SEC24B: variants seen among roughly 807,000 people sequenced by gnomAD.
SEC24B encodes protein transport protein Sec24B.
In SEC24B, 45 loss-of-function variants were observed where a neutral mutation model predicts 142.8. The ratio of observed to expected loss-of-function variants is 0.32; its 90% confidence interval spans 0.25 to 0.40. SEC24B has a LOEUF of 0.40. Ranked by LOEUF, SEC24B falls within the 10% of genes least tolerant of loss-of-function variation. The pLI is 1.00. For missense variants in SEC24B, 1,409 were observed against 1,526.8 expected (o/e 0.92, Z 1.29); for synonymous variants, 574 against 568.2 (o/e 1.01, Z -0.15).
At chr4:109,516,669 A>G (rs1241236522) in intron 11 of SEC24B, 29 bp downstream of exon 11, 3 of 1,204,110 alleles carry the variant, frequency 2.5e-6, no homozygotes, top group Middle Eastern at 2.1e-4. Context: ...CATACTATAC[A>G]TATGTGTATG....
intron 3 of SEC24B, among the ~76,000 whole-genome samples, chr4:109,479,630 T>TTGACC (rs1733527383): frequency 6.6e-6 from 1 of 152,092 alleles, no homozygotes; most frequent in Non-Finnish European, 1.5e-5. Context: ...AGATGGGGTC[T>TTGACC]CACTATGTTG....
chr4:109,468,950 A>C (rs1209306172), intron 2 of SEC24B, among the ~76,000 whole-genome samples: 2 of 152,100 alleles, frequency 1.3e-5, no homozygotes, highest in Non-Finnish European at 2.9e-5. Context: ...CATATGTGTT[A>C]TGCATGAAGA....
At chr4:109,512,728 C>CA (rs1360518713) in intron 9 of SEC24B, among the ~76,000 whole-genome samples, 1 of 150,044 alleles carries the variant, frequency 6.7e-6, no homozygotes, top group African/African-American at 2.5e-5. Context: ...CAATATGGCT[C>CA]ACTGCAATCT....
rs186005931 is a variant in SEC24B, at chr4:109,435,023, C to A, written c.133+1021C>A. 2.2e-3 allele frequency among the ~76,000 whole-genome samples: 333 copies of A among 152,314 alleles called. 2 individuals carry two copies. In the Middle Eastern group the frequency reaches 0.031, roughly 14 times the overall value. On this transcript the variant is annotated intron_variant, in intron 1 of 23. Transcript: ENST00000265175. ...TAATTGACTGAATTTAGAAAAATAC[C>A]TCTGTCCTGTGTTGGTACGAGAACC...
In SEC24B at chr4:109,447,572, G is replaced by C. The variant is rs147070856; in HGVS notation, c.133+13570G>C. Among the ~76,000 whole-genome samples the C allele has an allele frequency of 2.9e-3, 445 of 152,198 alleles. 1 individual carries two copies. Among genetic ancestry groups the C allele is most frequent in the African/African-American group, 0.01 (421 of 41,508 alleles). The stretch of plus-strand genomic sequence containing the variant: ...CATTCTATTTGACTTCACCATATCA[G>C]TAAGCATCTTAAGTGTAGCAAAATT... On this transcript the variant is annotated intron_variant, in intron 1 of 23. Transcript: ENST00000265175.
At chr4:109,539,097 G>A (rs1431953786) in intron 23 of SEC24B, among the ~76,000 whole-genome samples, 1 of 151,958 alleles carries the variant, frequency 6.6e-6, no homozygotes, top group African/African-American at 2.4e-5. Context: ...AAGTAGCTGG[G>A]ATTACAGGCG....
chr4:109,456,458 G>A (rs545563359), intron 1 of SEC24B, among the ~76,000 whole-genome samples: 2 of 149,068 alleles, frequency 1.3e-5, no homozygotes, highest in Non-Finnish European at 3.0e-5. Flanking sequence ...AGGACATCTT[G>A]CCTTCCATGT....
intron 1 of SEC24B, chr4:109,449,396 CTTT>C (rs74494967): frequency 3.0e-3 from 885 of 298,862 alleles, no homozygotes; most frequent in East Asian, 4.3e-3. Context: ...GCTAATTTTT[CTTT>C]TTTTTTTTTT....
rs558458055 is a variant in SEC24B, at chr4:109,500,826, T to C, written c.1489-5502T>C. Among the ~76,000 whole-genome samples the C allele has an allele frequency of 2.6e-5, 4 of 152,008 alleles. No homozygotes were observed. In the East Asian group the frequency reaches 7.8e-4, roughly 30 times the overall value. On this transcript the variant is annotated intron_variant, in intron 6 of 23. Transcript: ENST00000265175. Reference sequence around the variant, plus strand: ...GCCTGCCAGTACCACGCCCGGCTAATTTCTGTATTTTTAGTAGAGATGGGG... The same window carrying C: ...GCCTGCCAGTACCACGCCCGGCTAACTTCTGTATTTTTAGTAGAGATGGGG...
At position 109,525,466 on chromosome 4, in the gene SEC24B, T is replaced by C; in HGVS notation, c.2753T>C (p.Ile918Thr). ...KDLKRYLTRK[I>T]GFEAVMRIRC... ...CTAAAACGGTATCTCACAAGAAAAA[T>C]TGGGTTTGAAGCTGTTATGAGAATA... is the stretch of plus-strand genomic sequence containing the variant. The change falls in exon 16 of 24, where the codon ATT becomes ACT. Residue 918 changes from isoleucine (I) to threonine (T), a missense_variant. This residue lies in a region of SEC24B where 700 missense variants were observed against 853.3 expected (regional missense o/e 0.82). Coordinates refer to ENST00000265175, the MANE Select transcript of SEC24B (RefSeq NM_006323.5). 2.5e-6 allele frequency: 4 copies of C among 1,611,592 alleles called. No individual in the cohort carries two copies. Among genetic ancestry groups the C allele is most frequent in the Non-Finnish European group, 3.4e-6 (4 of 1,178,714 alleles).
chr4:109,523,472 A>G (rs1210335888), intron 14 of SEC24B, among the ~76,000 whole-genome samples: 1 of 151,974 alleles, frequency 6.6e-6, no homozygotes, highest in East Asian at 1.9e-4. Context: ...CCCGGTCTCA[A>G]AAAAAAAGAA....
intron 3 of SEC24B, among the ~76,000 whole-genome samples, chr4:109,479,478 C>T (rs1158454430): frequency 6.6e-6 from 1 of 152,212 alleles, no homozygotes; most frequent in East Asian, 1.9e-4. Context: ...CTTCAGGAAG[C>T]ATTCACATAT....
In SEC24B at chr4:109,539,652, G is replaced by T. The variant is rs1725973714; in HGVS notation, c.3784G>T (p.Val1262Phe). 1 of 1,610,424 alleles carries T rather than the reference G, an allele frequency of 6.2e-7. No individual in the cohort carries two copies. Among genetic ancestry groups the T allele is most frequent in the African/African-American group, 1.3e-5 (1 of 74,824 alleles). Residue 1262 changes from valine to phenylalanine, a missense_variant, in exon 24 of 24, where the codon GTT (valine) becomes TTT (phenylalanine). Transcript: ENST00000265175. ...TTCTTACTATGAATTTTTGCTTCAT[G>T]TTCAGCAGCAGATTTGTAAGTGAAG... ...AFSYYEFLLH[V>F]QQQICK
intron 4 of SEC24B, among the ~76,000 whole-genome samples, chr4:109,483,322 G>A (rs187303657): frequency 1.1e-4 from 17 of 151,740 alleles, no homozygotes; most frequent in South Asian, 8.3e-4. Context: ...CTCATGATCC[G>A]CCTGCCTTGG....
chr4:109,491,717 A>G (rs565299401), intron 5 of SEC24B, among the ~76,000 whole-genome samples: 23 of 152,000 alleles, frequency 1.5e-4, no homozygotes, highest in Admixed American at 5.2e-4. Flanking sequence ...TTATATTTCT[A>G]TTGTCATGCT....
intron 4 of SEC24B, 90 bp downstream of exon 4, chr4:109,481,871 G>A: frequency 2.3e-6 from 2 of 876,626 alleles, no homozygotes; most frequent in Non-Finnish European, 3.5e-6. Context: ...TTAAAAAAGA[G>A]TCTTTGAAGA....
At chr4:109,495,616 G>A (rs1306984129) in intron 6 of SEC24B, among the ~76,000 whole-genome samples, 1 of 152,200 alleles carries the variant, frequency 6.6e-6, no homozygotes, top group African/African-American at 2.4e-5. Flanking sequence ...GGTTCGATTA[G>A]TTGTGACATT....
intron 2 of SEC24B, among the ~76,000 whole-genome samples, chr4:109,468,255 A>G (rs1331914536): frequency 6.6e-6 from 1 of 152,182 alleles, no homozygotes; most frequent in Admixed American, 6.5e-5. Context: ...TCCCTCACAT[A>G]CTTATTCCTT....
chr4:109,511,972 A>T lies in SEC24B; in HGVS notation c.1792A>T (p.Thr598Ser), dbSNP rs1357407405. The change falls in exon 9 of 24, where the codon ACA (threonine) becomes TCA (serine). Residue 598 changes from threonine to serine, a missense_variant. Transcript: ENST00000265175. ...TATTTCCTAGCAATTACCAGTGATA[A>T]CATCAAATACCATTGTGAGGTGCCG... is the stretch of plus-strand genomic sequence containing the variant. ...FRDLTQLPVITSNTIVRCRSC... is the reference protein window; with the variant it reads ...FRDLTQLPVISSNTIVRCRSC... 1.2e-6 allele frequency: 2 copies of T among 1,612,086 alleles called. No individual in the cohort carries two copies. Among genetic ancestry groups the T allele is most frequent in the Non-Finnish European group, 1.7e-6 (2 of 1,179,582 alleles).
Sources: gnomAD v4.1 joint callset for allele counts (sites outside exome capture counted in the v4.1 genomes callset) on GRCh38, gnomAD v4.1.1 for gene constraint, gnomAD v4.1.1 regional missense constraint, MANE v1.5 for transcripts, NCBI Gene and HGNC (gene_info 2026-07-23, HGNC 2026-07-21) for gene names.